Variants in ARHGEF4 observed in about 807,000 individuals in gnomAD.
ARHGEF4 encodes Rho guanine nucleotide exchange factor 4.
Under a neutral mutation model 162.0 loss-of-function variants are expected in ARHGEF4, and 119 were observed. The ratio of observed to expected loss-of-function variants is 0.73; its 90% CI spans 0.63 to 0.86. The LOEUF (loss-of-function observed/expected upper bound fraction) is 0.86, where lower values mean the gene tolerates loss of function less well. Among genes scored for constraint, ARHGEF4 ranks in the 40% least tolerant of loss-of-function variants. ARHGEF4 has a pLI of 0.00. For synonymous variants in ARHGEF4, 1,014 were observed against 979.9 expected, an observed-to-expected ratio of 1.03 and a Z score of -0.65; for missense variants, 2,488 against 2,456.0, an observed-to-expected ratio of 1.01 and a Z score of -0.28.
intron 4 of ARHGEF4, among the ~76,000 whole-genome samples, chr2:130,979,916 A>G (rs1041650394): frequency 6.6e-6 from 1 of 152,228 alleles, no homozygotes; most frequent in East Asian, 1.9e-4. Context: ...AACTTTCTCA[A>G]ACAATAAGAC....
chr2:130,963,614 C>CCCGCG (rs1684771170), intron 4 of ARHGEF4: 1 of 147,932 alleles, frequency 6.8e-6, no homozygotes, highest in South Asian at 2.1e-4. Flanking sequence ...CGACCCGGAG[C>CCCGCG]CCCGCGCCCG....
intron 1 of ARHGEF4, among the ~76,000 whole-genome samples, chr2:130,844,387 T>A (rs1220001260): frequency 6.6e-6 from 1 of 152,080 alleles, no homozygotes; most frequent in African/African-American, 2.4e-5. Context: ...GCGCCCTGCC[T>A]GGTGGGCACA....
At chr2:130,844,340 T>G (rs1486641523) in intron 1 of ARHGEF4, among the ~76,000 whole-genome samples, 2 of 152,170 alleles carry the variant, frequency 1.3e-5, no homozygotes, top group Non-Finnish European at 2.9e-5. Flanking sequence ...TGTGAGGCCC[T>G]CCGGCCCTCA....
chr2:130,914,292 G>A lies in ARHGEF4; in HGVS notation c.346G>A (p.Glu116Lys), dbSNP rs972699689. The part of the protein sequence containing the change: ...PDVSATGPPQ[E>K]QHLTSVPGLH... ...TGTCTCAGCAACTGGACCCCCTCAG[G>A]AGCAGCATTTGACCAGTGTTCCTGG... Residue 116 changes from glutamate (E) to lysine (K), a missense_variant, in exon 2 of 14, where the codon GAG (glutamate) becomes AAG (lysine). This residue lies in a region of ARHGEF4 where 171 missense variants were observed against 169.4 expected (regional missense o/e 1.01). Coordinates refer to ENST00000409359, the MANE Select transcript of ARHGEF4 (RefSeq NM_001367493.1). The A allele has an allele frequency of 1.3e-6, 2 of 1,518,706 alleles. No individual in the cohort carries two copies. The highest frequency in any genetic ancestry group is 1.8e-6 in the Non-Finnish European group (2 of 1,136,802). The allele number at this position is 1,518,706 out of a possible 1,614,324, so 94.1% of individuals were successfully genotyped here. A position where few individuals can be genotyped will look rare whatever the true frequency, so the allele number is the denominator to read the frequency against.
At chr2:130,982,363 A>C (rs1245811538) in intron 4 of ARHGEF4, among the ~76,000 whole-genome samples, 1 of 152,132 alleles carries the variant, frequency 6.6e-6, no homozygotes, top group East Asian at 1.9e-4. Flanking sequence ...TAATTAGCCA[A>C]ATTTCTCCAA....
intron 4 of ARHGEF4, among the ~76,000 whole-genome samples, chr2:130,953,808 A>G (rs978960722): frequency 1.3e-5 from 2 of 152,262 alleles, no homozygotes; most frequent in African/African-American, 2.4e-5. Flanking sequence ...AAAAATGTTC[A>G]TCATCACTGG....
chr2:130,923,288 T>C (rs1440373464), intron 2 of ARHGEF4, among the ~76,000 whole-genome samples: 1 of 152,248 alleles, frequency 6.6e-6, no homozygotes, highest in Non-Finnish European at 1.5e-5. Context: ...AGTGTATCCA[T>C]CTTTTCTCTA....
intron 4 of ARHGEF4, among the ~76,000 whole-genome samples, chr2:131,006,629 C>G (rs1178002053): frequency 2.0e-5 from 3 of 152,226 alleles, no homozygotes; most frequent in Admixed American, 1.3e-4. Flanking sequence ...GGAAATCCTT[C>G]CAGAGTAGAA....
In ARHGEF4 at chr2:130,850,841, C is replaced by G. The variant is rs186575311; in HGVS notation, c.39+13849C>G. Among the ~76,000 whole-genome samples, 53 of 152,384 alleles carry G rather than the reference C, an allele frequency of 3.5e-4. 1 individual carries two copies. The highest frequency in any genetic ancestry group is 2.2e-3 in the Admixed American group (34 of 15,314). On this transcript the variant is annotated intron_variant, in intron 1 of 13. Transcript: ENST00000409359. ...TGTACAGTCTTTCCAACAAGACCCCCTCAGATGGCAGCTGAGGCTGCTGGG... is the reference window on the plus strand; with the variant it reads ...TGTACAGTCTTTCCAACAAGACCCCGTCAGATGGCAGCTGAGGCTGCTGGG...
rs978624786 is a variant in ARHGEF4 at position 131,046,437 on chromosome 2, C to G, written c.*248C>G. On this transcript the variant is annotated 3_prime_UTR_variant, in exon 14 of 14. Transcript: ENST00000409359. ...GCCACACCGCCGCTGCAGCTTGGGCCCCATCCGCCCTCTGGACCTGTGTAG... is the reference window on the plus strand; with the variant it reads ...GCCACACCGCCGCTGCAGCTTGGGCGCCATCCGCCCTCTGGACCTGTGTAG... 1.1e-5 allele frequency: 6 copies of G among 522,738 alleles called. No homozygotes were observed. The highest frequency in any genetic ancestry group is 9.6e-5 in the African/African-American group (5 of 52,110). 32.4% of individuals were successfully genotyped at this position (522,738 alleles called of 1,614,324 possible).
chr2:130,978,232 C>T (rs895334531), intron 4 of ARHGEF4, among the ~76,000 whole-genome samples: 6 of 152,202 alleles, frequency 3.9e-5, no homozygotes, highest in African/African-American at 1.4e-4. Context: ...GGAATCTCGT[C>T]ATTGATCTTT....
chr2:130,965,400 G>T (rs1016770027), intron 4 of ARHGEF4, among the ~76,000 whole-genome samples: 1 of 152,244 alleles, frequency 6.6e-6, no homozygotes, highest in African/African-American at 2.4e-5. Context: ...CAAAACACAC[G>T]CATGAAATTC....
chr2:130,867,424 G>A (rs1682365037), intron 1 of ARHGEF4, among the ~76,000 whole-genome samples: 1 of 151,882 alleles, frequency 6.6e-6, no homozygotes, highest in Admixed American at 6.6e-5. Context: ...TTTTAGTAGA[G>A]AGGGGGTTTC....
chr2:130,969,232 G>A (rs1685201764), intron 4 of ARHGEF4, among the ~76,000 whole-genome samples: 1 of 152,154 alleles, frequency 6.6e-6, no homozygotes, highest in Admixed American at 6.5e-5. Flanking sequence ...TGGAAAAACA[G>A]AATGGTTGTG....
chr2:131,039,098 A>G, intron 6 of ARHGEF4, 66 bp downstream of exon 6: 1 of 1,502,018 alleles, frequency 6.7e-7, no homozygotes. Flanking sequence ...TCTGCAGAGA[A>G]ATCCAAGCCC....
chr2:130,978,089 T>C (rs1685874813), intron 4 of ARHGEF4, among the ~76,000 whole-genome samples: 1 of 152,214 alleles, frequency 6.6e-6, no homozygotes, highest in African/African-American at 2.4e-5. Flanking sequence ...AAGGAACTCA[T>C]ATCAAACAAA....
At chr2:130,927,677 A>G (rs1682375155) in intron 2 of ARHGEF4, among the ~76,000 whole-genome samples, 1 of 146,766 alleles carries the variant, frequency 6.8e-6, no homozygotes, top group South Asian at 2.3e-4. Flanking sequence ...GCATCCATAT[A>G]GGAAGCATGT....
At chr2:130,980,495 G>A (rs1479913239) in intron 4 of ARHGEF4, among the ~76,000 whole-genome samples, 1 of 152,012 alleles carries the variant, frequency 6.6e-6, no homozygotes, top group South Asian at 2.1e-4. Flanking sequence ...ATCAGTTTTG[G>A]AAATTTAGTA....
At chr2:130,995,708 T>A (rs1687336674) in intron 4 of ARHGEF4, among the ~76,000 whole-genome samples, 1 of 152,136 alleles carries the variant, frequency 6.6e-6, no homozygotes, top group Admixed American at 6.5e-5. Context: ...CAATTTCTAA[T>A]TATTTAGAGC....
Sources: gnomAD v4.1 joint callset for allele counts (sites outside exome capture counted in the v4.1 genomes callset) on GRCh38, gnomAD v4.1.1 for gene constraint, gnomAD v4.1.1 regional missense constraint, MANE v1.5 for transcripts, NCBI Gene and HGNC (gene_info 2026-07-23, HGNC 2026-07-21) for gene names.